Variants in LMLN observed in about 807,000 individuals in gnomAD.
LMLN encodes leishmanolysin like peptidase, also known as leishmanolysin-like peptidase.
Under a neutral mutation model 92.3 loss-of-function variants are expected in LMLN, and 70 were observed. That is an observed-to-expected ratio of 0.76 (90% CI 0.63 to 0.92). The LOEUF (loss-of-function observed/expected upper bound fraction) is 0.92, where lower values mean the gene tolerates loss of function less well. LMLN is among the 40% of genes least tolerant of loss of function. The pLI is 0.00. For synonymous variants in LMLN, 308 were observed against 296.2 expected (o/e 1.04, Z -0.41); for missense variants, 691 against 814.6 (o/e 0.85, Z 1.85).
chr3:198,021,426 TC>T lies in LMLN; in HGVS notation c.1366-17del, dbSNP rs1173682008. On this transcript the variant is annotated intron_variant, in intron 12 of 15. Transcript: ENST00000330198. ...CAGAATGTTTCTTACTTTCTTGTCTTCCCAATATTTTTTCTGCAGTACTTTG... is the reference window on the plus strand; with the variant it reads ...CAGAATGTTTCTTACTTTCTTGTCTTCCAATATTTTTTCTGCAGTACTTTG... 1 of 1,609,734 alleles carries T rather than the reference TC, an allele frequency of 6.2e-7. No homozygotes were observed. The highest frequency in any genetic ancestry group is 1.7e-5 in the Admixed American group (1 of 59,430).
chr3:197,975,166 T>C, intron 3 of LMLN, 94 bp downstream of exon 3: 1 of 689,112 alleles, frequency 1.5e-6, no homozygotes, highest in Non-Finnish European at 2.5e-6. Context: ...ACATGACTTT[T>C]GTGACTGAAT....
chr3:198,000,891 TTATTG>T (rs1473440235), intron 11 of LMLN, among the ~76,000 whole-genome samples: 2 of 151,936 alleles, frequency 1.3e-5, no homozygotes, highest in Non-Finnish European at 2.9e-5. Flanking sequence ...GTGCAGTCCT[TTATTG>T]TATTGAGTTT....
intron 6 of LMLN, 132 bp downstream of exon 6, chr3:197,980,636 T>C: frequency 3.6e-6 from 3 of 839,316 alleles, no homozygotes; most frequent in South Asian, 3.3e-5. Context: ...AATAGCATGC[T>C]GCCTGGGTTT....
chr3:198,011,079 G>C (rs1393789895), intron 11 of LMLN, among the ~76,000 whole-genome samples: 2 of 151,850 alleles, frequency 1.3e-5, no homozygotes, highest in African/African-American at 2.4e-5. Context: ...GTTCAGGTTT[G>C]TTTTATGGCC....
chr3:197,974,642 CATGGGAT>C (rs1038739673), intron 2 of LMLN, among the ~76,000 whole-genome samples, 168 bp downstream of exon 2: 63 of 152,314 alleles, frequency 4.1e-4, no homozygotes, highest in African/African-American at 1.5e-3. Context: ...ATATGAAAGC[CATGGGAT>C]ATGATTAAAG....
At chr3:197,990,074 T>C (rs900962694) in intron 8 of LMLN, among the ~76,000 whole-genome samples, 7 of 151,932 alleles carry the variant, frequency 4.6e-5, no homozygotes, top group East Asian at 1.9e-4. Context: ...TTATTTATTT[T>C]GTTTTTGAGA....
chr3:197,961,991 T>A (rs891962855), intron 1 of LMLN, among the ~76,000 whole-genome samples: 1 of 152,278 alleles, frequency 6.6e-6, no homozygotes, highest in Non-Finnish European at 1.5e-5. Context: ...CTACTTGAGT[T>A]ACTGTTCTTT....
intron 1 of LMLN, among the ~76,000 whole-genome samples, chr3:197,969,769 A>G (rs1364669652): frequency 2.0e-5 from 3 of 152,202 alleles, no homozygotes; most frequent in African/African-American, 7.2e-5. Flanking sequence ...GACATTTTCA[A>G]CAGCATAATT....
At chr3:197,967,163 G>T (rs775056327) in intron 1 of LMLN, among the ~76,000 whole-genome samples, 2 of 152,104 alleles carry the variant, frequency 1.3e-5, no homozygotes, top group Non-Finnish European at 2.9e-5. Flanking sequence ...TATATTTATG[G>T]TTTTTTACCA....
chr3:197,989,807 A>C (rs1172764157), intron 8 of LMLN, among the ~76,000 whole-genome samples: 1 of 152,258 alleles, frequency 6.6e-6, no homozygotes, highest in Non-Finnish European at 1.5e-5. Context: ...AGATGGCTTG[A>C]GGCCAGGAAT....
chr3:198,033,702 G>A (rs1162609136), intron 14 of LMLN, among the ~76,000 whole-genome samples: 1 of 152,116 alleles, frequency 6.6e-6, no homozygotes, highest in Non-Finnish European at 1.5e-5. Context: ...GTGCCCGGCT[G>A]AAAAAAATTT....
intron 10 of LMLN, among the ~76,000 whole-genome samples, chr3:197,997,111 C>A (rs77859582): frequency 1.4e-5 from 1 of 72,234 alleles, no homozygotes; most frequent in African/African-American, 1.0e-4. Flanking sequence ...TTTTACTTTT[C>A]TTTTTCTTTT....
At chr3:198,001,918 A>G (rs1468392337) in intron 11 of LMLN, among the ~76,000 whole-genome samples, 1 of 151,928 alleles carries the variant, frequency 6.6e-6, no homozygotes, top group African/African-American at 2.4e-5. Flanking sequence ...CTCACTAAGT[A>G]CTGAGATTTC....
At chr3:197,998,708 C>T (rs1431182776) in intron 10 of LMLN, among the ~76,000 whole-genome samples, 1 of 152,252 alleles carries the variant, frequency 6.6e-6, no homozygotes, top group Admixed American at 6.5e-5. Context: ...TAGGTGACCT[C>T]CTGATAGGAA....
chr3:197,974,534 TTGTC>T, intron 2 of LMLN, 60 bp downstream of exon 2: 1 of 925,916 alleles, frequency 1.1e-6, no homozygotes, highest in African/African-American at 1.8e-5. Flanking sequence ...AAAGATATTT[TTGTC>T]TGTTACCTGA....
chr3:198,018,308 G>T (rs2109932288), intron 11 of LMLN, among the ~76,000 whole-genome samples: 1 of 152,294 alleles, frequency 6.6e-6, no homozygotes, highest in East Asian at 1.9e-4. Context: ...TGCCTTATAT[G>T]AAGATTTTAC....
intron 1 of LMLN, among the ~76,000 whole-genome samples, chr3:197,970,897 T>A (rs916478612): frequency 1.6e-4 from 25 of 152,240 alleles, no homozygotes; most frequent in African/African-American, 6.0e-4. Flanking sequence ...GTTACCCTTT[T>A]GTGTTATTTC....
At chr3:197,986,864 C>CAG (rs144060504) in intron 8 of LMLN, among the ~76,000 whole-genome samples, 52,152 of 144,756 alleles carry the variant, frequency 0.36, 13,868 homozygotes, top group African/African-American at 0.76. Flanking sequence ...TTTTTTGAGA[C>CAG]AGTCTCGCTC....
In LMLN at chr3:198,029,154, G is replaced by C. The variant is rs561133747; in HGVS notation, c.1656+4366G>C. ...TTTCTACTCTCTGTTCTATAAAGAC[G>C]GTCAATACAGACTAAGTCTTTAGAT... is the stretch of plus-strand genomic sequence containing the variant. On this transcript the variant is annotated intron_variant, in intron 14 of 15. Coordinates refer to ENST00000330198, the Ensembl canonical transcript of LMLN. Among the ~76,000 whole-genome samples, 46 of 152,150 alleles carry C rather than the reference G, an allele frequency of 3.0e-4. No individual in the cohort carries two copies. The South Asian group carries it at 9.5e-3, about 32-fold the overall frequency.
Sources: gnomAD v4.1 joint callset for allele counts (sites outside exome capture counted in the v4.1 genomes callset) on GRCh38, gnomAD v4.1.1 for gene constraint, MANE v1.5 for transcripts, NCBI Gene and HGNC (gene_info 2026-07-23, HGNC 2026-07-21) for gene names.